CWC27: variants seen among roughly 807,000 people sequenced by gnomAD.
CWC27 encodes the protein CWC27 spliceosome associated cyclophilin, also known as spliceosome-associated protein CWC27 homolog.
In CWC27, 47 loss-of-function variants were observed where a neutral mutation model predicts 63.6. The ratio of observed to expected loss-of-function variants is 0.74; its 90% CI spans 0.58 to 0.94. The LOEUF is 0.94. CWC27 is among the 40% of genes least tolerant of loss of function. The pLI, the probability that CWC27 is intolerant of heterozygous loss-of-function variation, is 0.00. For missense variants in CWC27, 495 were observed against 554.3 expected (o/e 0.89, Z 1.07); for synonymous variants, 175 against 179.8 (o/e 0.97, Z 0.22).
intron 10 of CWC27, among the ~76,000 whole-genome samples, chr5:64,855,292 T>C (rs1746223819): frequency 6.6e-6 from 1 of 152,154 alleles, no homozygotes; most frequent in South Asian, 2.1e-4. Flanking sequence ...AGTATTTTAT[T>C]TGCAGTGAGT....
chr5:64,828,100 G>T (rs1323390250), intron 10 of CWC27, among the ~76,000 whole-genome samples: 2 of 152,092 alleles, frequency 1.3e-5, no homozygotes, highest in Non-Finnish European at 2.9e-5. Context: ...AAGGCAGGGG[G>T]ACTATGTATT....
intron 11 of CWC27, among the ~76,000 whole-genome samples, chr5:64,888,258 A>G (rs1747123772): frequency 6.7e-6 from 1 of 148,560 alleles, no homozygotes; most frequent in Admixed American, 6.7e-5. Context: ...AATAAATAAT[A>G]ATAGTTTCAT....
At chr5:64,818,781 G>A (rs756457928) in intron 10 of CWC27, among the ~76,000 whole-genome samples, 3 of 152,138 alleles carry the variant, frequency 2.0e-5, no homozygotes, top group Non-Finnish European at 2.9e-5. Flanking sequence ...CAAAGACCAG[G>A]ATAACATTGC....
At chr5:65,014,648 C>T (rs962727419) in intron 13 of CWC27, among the ~76,000 whole-genome samples, 7 of 152,032 alleles carry the variant, frequency 4.6e-5, no homozygotes, top group African/African-American at 1.7e-4. Context: ...ACCCCCTGTA[C>T]TCAAATTGAG....
At chr5:64,770,697 T>C (rs992119869) in intron 1 of CWC27, among the ~76,000 whole-genome samples, 1 of 152,170 alleles carries the variant, frequency 6.6e-6, no homozygotes, top group Non-Finnish European at 1.5e-5. Flanking sequence ...ACTTGATACA[T>C]GATAGAAGGA....
intron 10 of CWC27, among the ~76,000 whole-genome samples, chr5:64,858,009 G>A (rs894590975): frequency 8.2e-5 from 12 of 146,360 alleles, no homozygotes; most frequent in East Asian, 2.0e-4. Flanking sequence ...GTGGTAGCGG[G>A]CGCCTGTAGT....
At chr5:64,979,609 G>C (rs1353019636) in intron 13 of CWC27, among the ~76,000 whole-genome samples, 1 of 152,174 alleles carries the variant, frequency 6.6e-6, no homozygotes, top group South Asian at 2.1e-4. Flanking sequence ...CAAATATTAT[G>C]AGTGCATGGC....
At chr5:64,906,180 T>G (rs1036390290) in intron 11 of CWC27, among the ~76,000 whole-genome samples, 2 of 152,196 alleles carry the variant, frequency 1.3e-5, no homozygotes, top group Non-Finnish European at 2.9e-5. Flanking sequence ...TTTATAATCC[T>G]ATGGGTATAT....
At chr5:64,839,689 T>C (rs1202153599) in intron 10 of CWC27, among the ~76,000 whole-genome samples, 1 of 152,176 alleles carries the variant, frequency 6.6e-6, no homozygotes, top group African/African-American at 2.4e-5. Flanking sequence ...CGGCTTTCTT[T>C]TGGGATCTAT....
intron 10 of CWC27, among the ~76,000 whole-genome samples, chr5:64,805,907 G>A (rs1209915267): frequency 2.0e-5 from 3 of 152,064 alleles, no homozygotes; most frequent in African/African-American, 7.2e-5. Flanking sequence ...CTTGGCTGTA[G>A]TATGGGCCTG....
intron 11 of CWC27, among the ~76,000 whole-genome samples, chr5:64,931,994 CAA>C (rs998552510): frequency 1.1e-4 from 16 of 152,162 alleles, no homozygotes; most frequent in African/African-American, 3.9e-4. Context: ...TGTACACAAA[CAA>C]GAGTTTCTTT....
At chr5:64,869,585 C>G (rs1746614727) in intron 10 of CWC27, among the ~76,000 whole-genome samples, 1 of 152,048 alleles carries the variant, frequency 6.6e-6, no homozygotes, top group Non-Finnish European at 1.5e-5. Context: ...AGGAATGAGT[C>G]AGCTCTTGCA....
chr5:64,788,697 A>G (rs9291825), intron 6 of CWC27, among the ~76,000 whole-genome samples: 77,323 of 151,630 alleles, frequency 0.51, 20,498 homozygotes, highest in East Asian at 0.84. Flanking sequence ...TAATGCTCAG[A>G]AGGGATTTTT....
At chr5:65,004,858 T>TTTCA (rs1439339877) in intron 13 of CWC27, among the ~76,000 whole-genome samples, 1 of 92,124 alleles carries the variant, frequency 1.1e-5, no homozygotes, top group African/African-American at 4.2e-5. Flanking sequence ...GGAAAGACTT[T>TTTCA]TTCATATATA....
intron 12 of CWC27, among the ~76,000 whole-genome samples, chr5:64,974,684 G>A (rs1165429122): frequency 6.6e-6 from 1 of 152,078 alleles, no homozygotes; most frequent in Non-Finnish European, 1.5e-5. Flanking sequence ...ATATATTTAT[G>A]CAATAGTAGA....
intron 11 of CWC27, among the ~76,000 whole-genome samples, chr5:64,933,766 C>A (rs1374854364): frequency 6.6e-6 from 1 of 152,208 alleles, no homozygotes; most frequent in Non-Finnish European, 1.5e-5. Flanking sequence ...GCTGGGATTA[C>A]AGGCGTGAGC....
intron 10 of CWC27, among the ~76,000 whole-genome samples, chr5:64,856,002 G>C (rs746810789): frequency 6.6e-6 from 1 of 151,990 alleles, no homozygotes; most frequent in Non-Finnish European, 1.5e-5. Context: ...TGGCTTAAGG[G>C]GAGTGTTATT....
intron 11 of CWC27, among the ~76,000 whole-genome samples, chr5:64,964,712 G>A (rs538961460): frequency 8.5e-5 from 13 of 152,154 alleles, no homozygotes; most frequent in Admixed American, 5.2e-4. Context: ...TGGTAAGATC[G>A]TGTACCACTG....
chr5:64,772,655 A>G (rs1479277673), intron 1 of CWC27, among the ~76,000 whole-genome samples: 4 of 102,176 alleles, frequency 3.9e-5, no homozygotes, highest in Non-Finnish European at 7.7e-5. Context: ...AAAAAAAAAA[A>G]GTCCAGGCGC....
Sources: allele counts gnomAD v4.1 joint callset (sites outside exome capture counted in the v4.1 genomes callset), GRCh38; gene constraint gnomAD v4.1.1; transcripts MANE v1.5; gene names NCBI Gene and HGNC (gene_info 2026-07-23, HGNC 2026-07-21).